The following MRC1 variants were observed in gnomAD, a reference collection of about 807,000 sequenced individuals.
The protein encoded by MRC1 is mannose receptor C-type 1, also known as macrophage mannose receptor 1.
Under a neutral mutation model 102.9 loss-of-function variants are expected in MRC1, and 62 were observed. The observed-to-expected ratio is 0.60, with a 90% CI of 0.49 to 0.74. The LOEUF (loss-of-function observed/expected upper bound fraction) is 0.74, where lower values mean the gene tolerates loss of function less well. MRC1 is among the 30% of genes least tolerant of loss of function. MRC1 has a pLI of 0.00. For synonymous variants in MRC1, 457 were observed against 298.4 expected (o/e 1.53, Z -5.48); for missense variants, 1,237 against 862.8 (o/e 1.43, Z -5.43).
In MRC1 at chr10:17,841,345, A is replaced by G. The variant is rs1484232415; in HGVS notation, c.916+539A>G. Reference sequence around the variant, plus strand: ...TTGTGACAGTGATTTTAACATCTACATTAACACCCACTTTTCCTGTTTTTG... The same window carrying G: ...TTGTGACAGTGATTTTAACATCTACGTTAACACCCACTTTTCCTGTTTTTG... On this transcript the variant is annotated intron_variant, in intron 5 of 29. Transcript: ENST00000569591. Among the ~76,000 whole-genome samples the G allele has an allele frequency of 2.6e-5, 4 of 152,352 alleles. No homozygotes were observed. The East Asian group carries it at 7.7e-4, about 29-fold the overall frequency.
chr10:17,894,394 CTTTTTTTT>C (rs34625338), intron 23 of MRC1, 82 bp downstream of exon 23: 15 of 406,274 alleles, frequency 3.7e-5, no homozygotes, highest in African/African-American at 6.9e-5. Context: ...TTCTTTCTTT[CTTTTTTTT>C]TTTTTTTTTT....
intron 3 of MRC1, among the ~76,000 whole-genome samples, chr10:17,832,078 A>T (rs1020928312): frequency 2.6e-5 from 4 of 151,606 alleles, no homozygotes; most frequent in Non-Finnish European, 5.9e-5. Flanking sequence ...TCAAGTCTCC[A>T]GTGAGCGATA....
chr10:17,823,721 C>A, intron 2 of MRC1, among the ~76,000 whole-genome samples: 1 of 152,306 alleles, frequency 6.6e-6, no homozygotes, highest in Middle Eastern at 3.4e-3. Context: ...TTTTAACTTT[C>A]TCTGAGGTTT....
rs1033969424 is a variant in MRC1 at position 17,847,181 on chromosome 10, T to G, written c.1063+1746T>G. On this transcript the variant is annotated intron_variant, in intron 6 of 29. Coordinates refer to ENST00000569591, the MANE Select transcript of MRC1 (RefSeq NM_002438.4). ...TTTTTTCCTTTTTTGGAAGCCTTCATTACAATTCTCTTTCTAAGACTTGGA... is the reference window on the plus strand; with the variant it reads ...TTTTTTCCTTTTTTGGAAGCCTTCAGTACAATTCTCTTTCTAAGACTTGGA... Among the ~76,000 whole-genome samples, 631 of 152,310 alleles carry G rather than the reference T, an allele frequency of 4.1e-3. 2 individuals are homozygous for G. The highest frequency in any genetic ancestry group is 0.014 in the African/African-American group (580 of 41,564).
In MRC1 at chr10:17,827,372, C is replaced by CAAAAAAAAAA. The variant is rs782616938; in HGVS notation, c.464-141_464-132dup. Among the ~76,000 whole-genome samples, 43 of 64,030 alleles carry CAAAAAAAAAA rather than the reference C, an allele frequency of 6.7e-4. 17 individuals are homozygous for CAAAAAAAAAA. Among genetic ancestry groups the CAAAAAAAAAA allele is most frequent in the East Asian group, 2.8e-3 (4 of 1,426 alleles). 42.0% of individuals were successfully genotyped at this position (64,030 alleles called of 152,430 possible). On this transcript the variant is annotated intron_variant, in intron 2 of 29. Coordinates refer to ENST00000569591, the MANE Select transcript of MRC1 (RefSeq NM_002438.4). ...TAGAAGGAGAAGGAAAAAAAATACC[C>CAAAAAAAAAA]AAAAAAAAAAAAAAAAAAAAAAAAA... is the stretch of plus-strand genomic sequence containing the variant.
chr10:17,883,849 C>T (rs1175931403), intron 21 of MRC1, among the ~76,000 whole-genome samples: 1 of 152,176 alleles, frequency 6.6e-6, no homozygotes, highest in African/African-American at 2.4e-5. Context: ...AGGGGAGGGG[C>T]ACATGTACAA....
chr10:17,852,003 C>T (rs893369470), intron 7 of MRC1, among the ~76,000 whole-genome samples: 35 of 152,198 alleles, frequency 2.3e-4, no homozygotes, highest in Non-Finnish European at 4.4e-4. Flanking sequence ...AATGATCATA[C>T]ATCAAGCATT....
chr10:17,824,566 A>G (rs899457340), intron 2 of MRC1, among the ~76,000 whole-genome samples: 97 of 152,330 alleles, frequency 6.4e-4, no homozygotes, highest in South Asian at 1.7e-3. Context: ...AAGGGCTCAG[A>G]AATAAGTTAT....
At chr10:17,865,704 C>T (rs1306801897) in intron 11 of MRC1, among the ~76,000 whole-genome samples, 2 of 152,094 alleles carry the variant, frequency 1.3e-5, no homozygotes, top group Non-Finnish European at 2.9e-5. Flanking sequence ...GTCATCTATT[C>T]CACAGTTAGC....
chr10:17,844,252 T>C (rs1359327597), intron 5 of MRC1, among the ~76,000 whole-genome samples: 1 of 152,140 alleles, frequency 6.6e-6, no homozygotes, highest in African/African-American at 2.4e-5. Context: ...AGAGTCTCAC[T>C]CTGTCACCCC....
In MRC1 at chr10:17,866,618, G is replaced by A. The variant is rs1833271869; in HGVS notation, c.1840G>A (p.Val614Ile). The A allele has an allele frequency of 6.4e-6, 5 of 780,738 alleles. No homozygotes were observed. The highest frequency in any genetic ancestry group is 2.7e-5 in the South Asian group (2 of 74,624). The allele number at this position is 780,738 out of a possible 1,614,324, so 48.4% of individuals were successfully genotyped here. The change falls in exon 12 of 30, where the codon GTT becomes ATT. Residue 614 changes from valine (V) to isoleucine (I), a missense_variant. Coordinates refer to ENST00000569591, the MANE Select transcript of MRC1 (RefSeq NM_002438.4). ...RTGIAGGLWD[V>I]LKCDEKAKFV... ...CGGGATTGCAGGGGGCTTATGGGAT[G>A]TTTTGAAATGTGATGAAAAGGCAAA...
chr10:17,851,852 A>G (rs953865609), intron 7 of MRC1, among the ~76,000 whole-genome samples: 4 of 152,240 alleles, frequency 2.6e-5, no homozygotes, highest in African/African-American at 7.2e-5. Flanking sequence ...AGACTTCTCC[A>G]AAAGCAAAGT....
At chr10:17,816,358 C>T (rs936392610) in intron 1 of MRC1, among the ~76,000 whole-genome samples, 3 of 152,170 alleles carry the variant, frequency 2.0e-5, no homozygotes, top group Admixed American at 6.5e-5. Flanking sequence ...GACAGGGTAA[C>T]GGGGAAGTGA....
intron 2 of MRC1, among the ~76,000 whole-genome samples, chr10:17,826,604 T>C (rs1838479800): frequency 6.6e-6 from 1 of 152,252 alleles, no homozygotes; most frequent in Non-Finnish European, 1.5e-5. Context: ...TAAAAAGTTG[T>C]TATCTCTACA....
chr10:17,890,775 G>A (rs1485451087), intron 22 of MRC1, among the ~76,000 whole-genome samples: 3 of 152,128 alleles, frequency 2.0e-5, no homozygotes, highest in Admixed American at 6.5e-5. Context: ...TCTGCAACCC[G>A]TGGGCCACAG....
intron 18 of MRC1, among the ~76,000 whole-genome samples, chr10:17,878,696 TC>T (rs1833470764): frequency 6.6e-6 from 1 of 152,042 alleles, no homozygotes; most frequent in African/African-American, 2.4e-5. Flanking sequence ...AAGGTCTTGC[TC>T]TGTTGCCCAG....
At chr10:17,834,679 G>A (rs1838635935) in intron 4 of MRC1, among the ~76,000 whole-genome samples, 1 of 152,192 alleles carries the variant, frequency 6.6e-6, no homozygotes, top group South Asian at 2.1e-4. Flanking sequence ...CTCCCAAAGT[G>A]CTGGGATTAC....
intron 4 of MRC1, among the ~76,000 whole-genome samples, chr10:17,839,350 ATTAAG>A (rs1292742970): frequency 6.6e-6 from 1 of 152,184 alleles, no homozygotes; most frequent in Admixed American, 6.5e-5. Flanking sequence ...TATTTTCGTA[ATTAAG>A]TTTTTTAAAA....
intron 10 of MRC1, among the ~76,000 whole-genome samples, chr10:17,863,332 G>A (rs1833212795): frequency 6.6e-6 from 1 of 152,052 alleles, no homozygotes; most frequent in Admixed American, 6.5e-5. Context: ...TCAGCTATAT[G>A]GTATTTTTCC....
Sources: gnomAD v4.1 joint callset for allele counts (sites outside exome capture counted in the v4.1 genomes callset) on GRCh38, gnomAD v4.1.1 for gene constraint, MANE v1.5 for transcripts, NCBI Gene and HGNC (gene_info 2026-07-23, HGNC 2026-07-21) for gene names.